TRAIP: variants seen among roughly 807,000 people sequenced by gnomAD.
TRAIP encodes the protein E3 ubiquitin-protein ligase TRAIP.
TRAIP carries 37 observed loss-of-function variants against 65.0 expected under a neutral mutation model. The ratio of observed to expected loss-of-function variants is 0.57; its 90% CI spans 0.44 to 0.75. The LOEUF is 0.75. Among genes scored for constraint, TRAIP ranks in the 30% least tolerant of loss-of-function variants. TRAIP has a pLI of 0.00. For synonymous variants in TRAIP, 187 were observed against 219.1 expected, an observed-to-expected ratio of 0.85 and a Z score of 1.29; for missense variants, 481 against 579.4, an observed-to-expected ratio of 0.83 and a Z score of 1.74.
Position 49,829,277 on chromosome 3 carries a change from G to GAGAAAGGACTGCAATGCAGGGCA in TRAIP, c.1288-75_1288-53dup, listed in dbSNP as rs771625931. 7 of 1,613,870 alleles carry GAGAAAGGACTGCAATGCAGGGCA rather than the reference G, an allele frequency of 4.3e-6. No homozygotes were observed. The South Asian group carries it at 6.6e-5, about 15-fold the overall frequency. ...TGGAGAAAGGACTGCAATGCAGGGC[G>GAGAAAGGACTGCAATGCAGGGCA]AGAAAGGACTGCAATGCAGGGCAAG... is the stretch of plus-strand genomic sequence containing the variant. On this transcript the variant is annotated intron_variant, in intron 14 of 14. Coordinates refer to ENST00000331456, the MANE Select transcript of TRAIP (RefSeq NM_005879.3).
chr3:49,835,706 G>A (rs1263022624), intron 10 of TRAIP, among the ~76,000 whole-genome samples: 5 of 152,004 alleles, frequency 3.3e-5, no homozygotes, highest in Non-Finnish European at 7.4e-5. Flanking sequence ...TTGGGAGGCC[G>A]AGGTGGGTGG....
chr3:49,832,088 G>A lies in TRAIP; in HGVS notation c.885-20C>T. On this transcript the variant is annotated intron_variant, in intron 10 of 14. Transcript: ENST00000331456. ...GCTGGGCTGAAGGCAGAGATGACCTGGTTACTTGGGGCCACAGTGGTAACC... is the reference window on the plus strand; with the variant it reads ...GCTGGGCTGAAGGCAGAGATGACCTAGTTACTTGGGGCCACAGTGGTAACC... 1.3e-6 allele frequency: 2 copies of A among 1,558,134 alleles called. No homozygotes were observed. Among genetic ancestry groups the A allele is most frequent in the Non-Finnish European group, 8.7e-7 (1 of 1,150,998 alleles).
Position 49,830,078 on chromosome 3 carries a change from TGA to T in TRAIP, c.1038-12_1038-11del. On this transcript the variant is annotated splice_polypyrimidine_tract_variant and intron_variant, in intron 11 of 14. Coordinates refer to ENST00000331456, the MANE Select transcript of TRAIP (RefSeq NM_005879.3). ...ATCCTGAATTGGGGAGCTACAAGAATGAGAGAGAAGGCAAGGGGTAGGTAAGC... is the reference window on the plus strand; with the variant it reads ...ATCCTGAATTGGGGAGCTACAAGAATGAGAGAAGGCAAGGGGTAGGTAAGC... The T allele has an allele frequency of 6.2e-7, 1 of 1,614,052 alleles. No homozygotes were observed. Among genetic ancestry groups the T allele is most frequent in the Non-Finnish European group, 8.5e-7 (1 of 1,179,992 alleles).
Position 49,843,806 on chromosome 3 carries a change from G to A in TRAIP, c.403C>T (p.Leu135=). 1.2e-6 allele frequency: 2 copies of A among 1,612,946 alleles called. No homozygotes were observed. The highest frequency in any genetic ancestry group is 1.3e-5 in the African/African-American group (1 of 75,044). ...CATAAAACCTGAGGACCTACTTTCA[G>A]TGTGGAGCACAGCATCTCGGCCTTG... ...LGKAEMLCST[L]KKQMKYLEQQ... The change falls in exon 5 of 15, where the codon CTG becomes TTG. Residue 135 remains leucine (L), a synonymous_variant. Coordinates refer to ENST00000331456, the MANE Select transcript of TRAIP (RefSeq NM_005879.3).
chr3:49,828,959 C>T lies in TRAIP; in HGVS notation c.*144G>A, dbSNP rs1128535. 0.46 allele frequency: 530,710 copies of T among 1,148,112 alleles called. 126,967 individuals are homozygous for T. Among genetic ancestry groups the T allele is most frequent in the African/African-American group, 0.59 (38,748 of 65,902 alleles). 71.1% of individuals were successfully genotyped at this position (1,148,112 alleles called of 1,614,324 possible). A position where few individuals can be genotyped will look rare whatever the true frequency, so the allele number is the denominator to read the frequency against. ...GGGCAGGAAGAGCAGTCTCTGGGTG[C>T]CACACTCACCCTCACCTGTTTGTCT... On this transcript the variant is annotated 3_prime_UTR_variant, in exon 15 of 15. Transcript: ENST00000331456.
chr3:49,844,393 A>AC, intron 4 of TRAIP, 148 bp downstream of exon 4: 1 of 863,130 alleles, frequency 1.2e-6, no homozygotes, highest in Non-Finnish European at 1.8e-6. Flanking sequence ...TTTTCTGCCC[A>AC]CCACAACAGC....
chr3:49,829,968 A>G, intron 12 of TRAIP, 52 bp downstream of exon 12: 5 of 1,612,172 alleles, frequency 3.1e-6, no homozygotes, highest in Non-Finnish European at 4.2e-6. Flanking sequence ...TGCCCTCCCA[A>G]AAGTCCAGTC....
At chr3:49,851,021 C>T (rs977656807) in intron 1 of TRAIP, among the ~76,000 whole-genome samples, 9 of 151,816 alleles carry the variant, frequency 5.9e-5, no homozygotes. Flanking sequence ...ACTCTGTCAC[C>T]CAGGCTGGAA....
chr3:49,829,705 C>A lies in TRAIP; in HGVS notation c.1148G>T (p.Gly383Val). ...ATTCCGGACAAAAATAGGGAAGGCACCAACCAGTTCCTCATCTGGCTCTCC... is the reference window on the plus strand; with the variant it reads ...ATTCCGGACAAAAATAGGGAAGGCAACAACCAGTTCCTCATCTGGCTCTCC... ...CAGEPDEELVGAFPIFVRNAI... is the reference protein window; with the variant it reads ...CAGEPDEELVVAFPIFVRNAI... The change falls in exon 13 of 15, where the codon GGT (glycine) becomes GTT (valine). Residue 383 changes from glycine (G) to valine (V), a missense_variant. Physicochemically the swap from Gly to Val is moderately radical, Grantham distance 109. Transcript: ENST00000331456. 6.2e-7 allele frequency: 1 copy of A among 1,614,156 alleles called. No homozygotes were observed. Among genetic ancestry groups the A allele is most frequent in the Non-Finnish European group, 8.5e-7 (1 of 1,180,026 alleles).
chr3:49,837,231 G>A (rs1369999280), intron 10 of TRAIP, among the ~76,000 whole-genome samples: 1 of 152,156 alleles, frequency 6.6e-6, no homozygotes, highest in African/African-American at 2.4e-5. Flanking sequence ...ACAGGGCAAT[G>A]CCGTTGCTGA....
chr3:49,839,762 C>T lies in TRAIP; in HGVS notation c.884+10G>A. ...CTTGTGACCCCTGTACCGCCCAAGGCTCAACAAACCTCTCTAAAACCAGGC... is the reference window on the plus strand; with the variant it reads ...CTTGTGACCCCTGTACCGCCCAAGGTTCAACAAACCTCTCTAAAACCAGGC... On this transcript the variant is annotated intron_variant, in intron 10 of 14. Coordinates refer to ENST00000331456, the MANE Select transcript of TRAIP (RefSeq NM_005879.3). The T allele has an allele frequency of 1.2e-6, 2 of 1,613,766 alleles. No individual in the cohort carries two copies. The highest frequency in any genetic ancestry group is 1.3e-5 in the African/African-American group (1 of 75,054).
intron 1 of TRAIP, among the ~76,000 whole-genome samples, chr3:49,855,365 T>C (rs1242925563): frequency 6.6e-6 from 1 of 151,142 alleles, no homozygotes; most frequent in Non-Finnish European, 1.5e-5. Flanking sequence ...GGAGAATCAC[T>C]TGAACTCAGG....
Position 49,840,384 on chromosome 3 carries a change from G to A in TRAIP, c.706-11C>T. On this transcript the variant is annotated splice_polypyrimidine_tract_variant and intron_variant, in intron 8 of 14. Coordinates refer to ENST00000331456, the MANE Select transcript of TRAIP (RefSeq NM_005879.3). ...GTAGACTGTCTGCAACTATAAGAAA[G>A]TGTAGGGAATGAAAGACAAGCCAAG... The A allele has an allele frequency of 6.2e-7, 1 of 1,612,972 alleles. No individual in the cohort carries two copies.
At position 49,829,037 on chromosome 3, in the gene TRAIP, T is replaced by C; in HGVS notation, c.*66A>G. On this transcript the variant is annotated 3_prime_UTR_variant, in exon 15 of 15. Transcript: ENST00000331456. ...AGTGGGGCTCTGTCCACAAAACCCC[T>C]GCCTGGACAGTCCTTGACCTACAAG... 3 of 1,611,690 alleles carry C rather than the reference T, an allele frequency of 1.9e-6. No homozygotes were observed. Among genetic ancestry groups the C allele is most frequent in the Non-Finnish European group, 2.5e-6 (3 of 1,178,366 alleles).
chr3:49,832,067 G>A lies in TRAIP; in HGVS notation c.886C>T (p.Pro296Ser), dbSNP rs796819859. ...TTCAGATTCACCTCCACAGGGGCTG[G>A]GCTGAAGGCAGAGATGACCTGGTTA... is the stretch of plus-strand genomic sequence containing the variant. ...ETVDRLVLES[P>S]APVEVNLKLR... Residue 296 changes from proline to serine, a missense_variant and splice_region_variant, in exon 11 of 15, where the codon CCA (proline) becomes TCA (serine). Transcript: ENST00000331456. 1.3e-6 allele frequency: 2 copies of A among 1,583,510 alleles called. No individual in the cohort carries two copies. The highest frequency in any genetic ancestry group is 1.7e-6 in the Non-Finnish European group (2 of 1,164,522).
In TRAIP at chr3:49,847,419, AAAGAGAAGAG is replaced by A. The variant is rs146175744; in HGVS notation, c.240+96_240+105del. 698 of 746,128 alleles carry A rather than the reference AAAGAGAAGAG, an allele frequency of 9.4e-4. 5 individuals carry two copies. Among genetic ancestry groups the A allele is most frequent in the Non-Finnish European group, 3.0e-4 (133 of 445,412 alleles). The allele number at this position is 746,128 out of a possible 1,614,324, so 46.2% of individuals were successfully genotyped here. The stretch of plus-strand genomic sequence containing the variant: ...AGAAAAGAAAAGAAAAGAAAAGAGA[AAAGAGAAGAG>A]AAGAGAAGAGAAGAGAAAAAAGAAA... On this transcript the variant is annotated intron_variant, in intron 3 of 14. Transcript: ENST00000331456.
At chr3:49,848,631 T>C (rs2081905059) in intron 1 of TRAIP, among the ~76,000 whole-genome samples, 1 of 152,148 alleles carries the variant, frequency 6.6e-6, no homozygotes, top group Non-Finnish European at 1.5e-5. Context: ...AGGAATAAAA[T>C]CTAGTATTTG....
chr3:49,832,198 G>A lies in TRAIP; in HGVS notation c.885-130C>T, dbSNP rs13085679. On this transcript the variant is annotated intron_variant, in intron 10 of 14. Transcript: ENST00000331456. ...CCTGACTCAAGGCCACCCCTCAAGA[G>A]AGCCCTACTCTCGGCCAGGCACAGT... The A allele has an allele frequency of 0.48, 514,652 of 1,081,376 alleles. 126,975 individuals are homozygous for A. The highest frequency in any genetic ancestry group is 0.63 in the African/African-American group (38,221 of 61,066). 67.0% of individuals were successfully genotyped at this position (1,081,376 alleles called of 1,614,324 possible).
intron 7 of TRAIP, 38 bp from the exon 8 acceptor site, chr3:49,841,110 C>T (rs771950158): frequency 2.6e-6 from 4 of 1,567,594 alleles, no homozygotes; most frequent in East Asian, 2.2e-5. Context: ...CAGAAAAGAA[C>T]ACCTGCAGGT....
Sources: allele counts gnomAD v4.1 joint callset (sites outside exome capture counted in the v4.1 genomes callset), GRCh38; gene constraint gnomAD v4.1.1; transcripts MANE v1.5; gene names NCBI Gene and HGNC (gene_info 2026-07-23, HGNC 2026-07-21).